The following LINGO2 variants were observed in gnomAD, a reference collection of about 807,000 sequenced individuals.
The protein encoded by LINGO2 is leucine-rich repeat and immunoglobulin-like domain-containing nogo receptor-interacting protein 2.
In LINGO2, 14 loss-of-function variants were observed where a neutral mutation model predicts 30.6. The ratio of observed to expected loss-of-function variants is 0.46; its 90% CI spans 0.30 to 0.72. The LOEUF (loss-of-function observed/expected upper bound fraction) is 0.72. Ranked by LOEUF, LINGO2 falls within the 30% of genes least tolerant of loss-of-function variation. LINGO2 has a pLI of 0.07. For synonymous variants in LINGO2, 317 were observed against 288.5 expected (o/e 1.10, Z -1.00); for missense variants, 729 against 751.7 (o/e 0.97, Z 0.35).
chr9:28,169,689 A>G (rs1828528447), intron 4 of LINGO2, among the ~76,000 whole-genome samples: 2 of 152,230 alleles, frequency 1.3e-5, no homozygotes, highest in Admixed American at 6.5e-5. Context: ...AATATAGTGC[A>G]TAATCATGAG....
chr9:28,291,690 T>C (rs1823736561), intron 4 of LINGO2, among the ~76,000 whole-genome samples: 1 of 152,322 alleles, frequency 6.6e-6, no homozygotes, highest in Middle Eastern at 3.4e-3. Context: ...TATTTTTTAA[T>C]GAACAGAGGC....
chr9:28,779,400 ATCTTG>A, the LINGO2 span, among the ~76,000 whole-genome samples: 1 of 152,122 alleles, frequency 6.6e-6, no homozygotes, highest in Non-Finnish European at 1.5e-5. Flanking sequence ...TTGCTTTGTT[ATCTTG>A]ACACAGTTCA....
chr9:27,977,084 G>C (rs1187814987), intron 5 of LINGO2, among the ~76,000 whole-genome samples: 1 of 150,958 alleles, frequency 6.6e-6, no homozygotes, highest in Non-Finnish European at 1.5e-5. Flanking sequence ...ACATTCGTAA[G>C]ATGCTATCTC....
At chr9:28,067,176 T>A (rs906008826) in intron 4 of LINGO2, among the ~76,000 whole-genome samples, 1 of 152,144 alleles carries the variant, frequency 6.6e-6, no homozygotes, top group African/African-American at 2.4e-5. Context: ...GTAACAGCCC[T>A]TTTAAAATAT....
At chr9:28,411,876 C>T (rs1442783048) in intron 2 of LINGO2, among the ~76,000 whole-genome samples, 1 of 152,008 alleles carries the variant, frequency 6.6e-6, no homozygotes, top group Non-Finnish European at 1.5e-5. Context: ...CATTTTAAAT[C>T]CCATTAACAG....
intron 4 of LINGO2, among the ~76,000 whole-genome samples, chr9:28,276,949 T>C (rs763430615): frequency 3.9e-5 from 6 of 152,344 alleles, no homozygotes; most frequent in African/African-American, 9.6e-5. Flanking sequence ...AGGTGCCATG[T>C]TGGGGGCAAA....
intron 1 of LINGO2, among the ~76,000 whole-genome samples, chr9:28,553,794 G>T (rs1198015126): frequency 6.6e-6 from 1 of 151,986 alleles, no homozygotes; most frequent in Non-Finnish European, 1.5e-5. Context: ...ACTAACAGCG[G>T]ATCTCTCGGC....
intron 4 of LINGO2, among the ~76,000 whole-genome samples, chr9:28,264,368 T>G (rs925937026): frequency 2.0e-5 from 3 of 152,006 alleles, no homozygotes; most frequent in African/African-American, 7.2e-5. Context: ...CAAAGGTATC[T>G]GTACATAAAA....
the LINGO2 span, among the ~76,000 whole-genome samples, chr9:28,752,363 C>T: frequency 6.6e-6 from 1 of 151,888 alleles, no homozygotes; most frequent in Non-Finnish European, 1.5e-5. Context: ...AGATATAACT[C>T]TGTAGTTATT....
chr9:28,989,754 T>A, the LINGO2 span, among the ~76,000 whole-genome samples: 1 of 152,224 alleles, frequency 6.6e-6, no homozygotes, highest in Non-Finnish European at 1.5e-5. Context: ...ATATATGTTG[T>A]TTCCCTGGAA....
intron 3 of LINGO2, among the ~76,000 whole-genome samples, chr9:28,306,099 T>G (rs1038649877): frequency 6.6e-6 from 1 of 152,134 alleles, no homozygotes; most frequent in Non-Finnish European, 1.5e-5. Flanking sequence ...TGACATGTCC[T>G]GACACGTTCA....
intron 4 of LINGO2, among the ~76,000 whole-genome samples, chr9:28,269,491 C>A (rs1487272650): frequency 6.6e-6 from 1 of 152,060 alleles, no homozygotes; most frequent in African/African-American, 2.4e-5. Flanking sequence ...ATTTCCATTT[C>A]TACTTTTGAG....
intron 4 of LINGO2, among the ~76,000 whole-genome samples, chr9:28,215,998 C>T (rs1018490753): frequency 1.3e-5 from 2 of 151,812 alleles, no homozygotes; most frequent in East Asian, 3.9e-4. Context: ...AAAATGAACA[C>T]ATTAGCCATC....
chr9:28,298,119 G>A (rs773849742), intron 3 of LINGO2, among the ~76,000 whole-genome samples: 8 of 151,982 alleles, frequency 5.3e-5, no homozygotes, highest in Non-Finnish European at 5.9e-5. Context: ...GAAAAAACAC[G>A]CTTCAAATAA....
the LINGO2 span, among the ~76,000 whole-genome samples, chr9:29,153,897 A>G: frequency 6.6e-6 from 1 of 152,304 alleles, no homozygotes; most frequent in East Asian, 1.9e-4. Context: ...TAAACGGATC[A>G]AGGCTCAGAA....
intron 4 of LINGO2, among the ~76,000 whole-genome samples, chr9:28,038,149 A>C (rs1038983337): frequency 2.0e-5 from 3 of 152,174 alleles, no homozygotes; most frequent in Non-Finnish European, 4.4e-5. Context: ...CTGGAATGAT[A>C]AGAGGCATTT....
chr9:28,073,961 A>G (rs1476137401), intron 4 of LINGO2, among the ~76,000 whole-genome samples: 3 of 152,162 alleles, frequency 2.0e-5, no homozygotes, highest in African/African-American at 7.2e-5. Context: ...ACCAGTATTC[A>G]TTCTTAAGTT....
chr9:28,702,657 G>C, the LINGO2 span, among the ~76,000 whole-genome samples: 1 of 151,848 alleles, frequency 6.6e-6, no homozygotes, highest in Non-Finnish European at 1.5e-5. Flanking sequence ...CATAGAATGA[G>C]TTAGAAAGTA....
the LINGO2 span, among the ~76,000 whole-genome samples, chr9:29,051,517 G>A: frequency 2.0e-5 from 3 of 152,024 alleles, no homozygotes; most frequent in African/African-American, 7.2e-5. Context: ...TTATGACATG[G>A]ACTAGATAAA....
Sources: gnomAD v4.1 joint callset for allele counts (sites outside exome capture counted in the v4.1 genomes callset) on GRCh38, gnomAD v4.1.1 for gene constraint, MANE v1.5 for transcripts, NCBI Gene and HGNC (gene_info 2026-07-23, HGNC 2026-07-21) for gene names.